The following SORBS2 variants were observed in gnomAD, a reference collection of about 807,000 sequenced individuals.
SORBS2 encodes sorbin and SH3 domain-containing protein 2.
Under a neutral mutation model 97.7 loss-of-function variants are expected in SORBS2, and 46 were observed. The ratio of observed to expected loss-of-function variants is 0.47; its 90% confidence interval spans 0.37 to 0.60. The LOEUF (loss-of-function observed/expected upper bound fraction) is 0.60. SORBS2 is among the 20% of genes least tolerant of loss of function. The probability of loss-of-function intolerance (pLI) is 0.00; values close to 1 mark genes in which losing one functional copy is unlikely to be tolerated. For synonymous variants in SORBS2, 476 were observed against 473.4 expected, an observed-to-expected ratio of 1.01 and a Z score of -0.07; for missense variants, 1,316 against 1,282.3, an observed-to-expected ratio of 1.03 and a Z score of -0.40.
chr4:185,759,546 A>C (rs944575072), intron 2 of SORBS2, among the ~76,000 whole-genome samples: 1 of 152,202 alleles, frequency 6.6e-6, no homozygotes, highest in African/African-American at 2.4e-5. Context: ...ATAATAGTGA[A>C]TGATGGTGAA....
intron 14 of SORBS2, among the ~76,000 whole-genome samples, chr4:185,588,593 C>T (rs6814113): frequency 0.067 from 4,320 of 64,952 alleles, 160 homozygotes; most frequent in Middle Eastern, 0.1. Context: ...CGTTTCTCCT[C>T]CCTCCTCCTC....
intron 1 of SORBS2, among the ~76,000 whole-genome samples, chr4:185,844,788 G>A (rs2099213585): frequency 1.3e-5 from 2 of 152,188 alleles, no homozygotes; most frequent in Non-Finnish European, 1.5e-5. Flanking sequence ...AGGGAATGAA[G>A]TACTGATACA....
rs538102555 is a variant in SORBS2 at position 185,587,999 on chromosome 4, A to G, written c.2954-311T>C. On this transcript the variant is annotated intron_variant, in intron 14 of 14. Coordinates refer to ENST00000418609, the Ensembl canonical transcript of SORBS2. ...AGGAGGGGGGCGGAGGAGCTCAGTC[A>G]CTGAGGCTGCCACACCAGAGTCGGG... 22 of 268,312 alleles carry G rather than the reference A, an allele frequency of 8.2e-5. No individual in the cohort carries two copies. In the South Asian group the frequency reaches 1.1e-3, roughly 14 times the overall value. 16.6% of individuals were successfully genotyped at this position (268,312 alleles called of 1,614,324 possible).
chr4:185,688,505 A>AATAGATAGATAGATAGATAG (rs35533883), intron 2 of SORBS2, among the ~76,000 whole-genome samples: 1 of 127,680 alleles, frequency 7.8e-6, no homozygotes, highest in African/African-American at 2.8e-5. Flanking sequence ...TAGATAGATA[A>AATAGATAGATAGATAGATAG]ATAGATAGAT....
Position 185,914,311 on chromosome 4 carries a change from C to T in SORBS2, c.-338+41885G>A, listed in dbSNP as rs963243382. Among the ~76,000 whole-genome samples the T allele has an allele frequency of 4.6e-5, 7 of 152,226 alleles. 1 individual carries two copies. The highest frequency in any genetic ancestry group is 8.8e-5 in the Non-Finnish European group (6 of 68,046). On this transcript the variant is annotated intron_variant, in intron 1 of 20. Transcript: ENST00000284776. Reference sequence around the variant, plus strand: ...AAACCCCACTAATCGTGTATACTTGCACTGACTCTTGCCTCAGTAAATCTC... The same window carrying T: ...AAACCCCACTAATCGTGTATACTTGTACTGACTCTTGCCTCAGTAAATCTC...
intron 1 of SORBS2, among the ~76,000 whole-genome samples, chr4:185,876,910 A>G (rs200749770): frequency 1.3e-5 from 2 of 152,242 alleles, no homozygotes; most frequent in East Asian, 1.9e-4. Context: ...ACCAAACTTT[A>G]AGAATCAGAA....
chr4:185,733,507 T>A (rs968559568), intron 2 of SORBS2, among the ~76,000 whole-genome samples: 4 of 152,158 alleles, frequency 2.6e-5, no homozygotes, highest in East Asian at 3.9e-4. Context: ...AGCAGGAAAC[T>A]GCACATTGGT....
intron 1 of SORBS2, among the ~76,000 whole-genome samples, chr4:185,916,585 G>A (rs9784468): frequency 0.071 from 10,741 of 152,216 alleles, 499 homozygotes; most frequent in Non-Finnish European, 0.098. Flanking sequence ...AGAATTTGAC[G>A]CCCAAGATAC....
rs151056226 is a variant in SORBS2, at chr4:185,829,285, C to T, written c.-337-53919G>A. ...GGTGTGATGTGGTTGGCAAATCAAG[C>T]TCTGTTTTTAAGCCATATCTTCCCT... is the stretch of plus-strand genomic sequence containing the variant. On this transcript the variant is annotated intron_variant, in intron 1 of 20. Coordinates refer to the SORBS2 transcript ENST00000284776. Among the ~76,000 whole-genome samples the T allele has an allele frequency of 6.2e-3, 948 of 152,292 alleles. 14 individuals carry two copies. Among genetic ancestry groups the T allele is most frequent in the African/African-American group, 0.022 (914 of 41,564 alleles).
intron 1 of SORBS2, among the ~76,000 whole-genome samples, chr4:185,656,330 G>C (rs1252214617): frequency 6.6e-6 from 1 of 152,006 alleles, no homozygotes; most frequent in East Asian, 1.9e-4. Flanking sequence ...AAACTCTTCT[G>C]TCTGTATATA....
At chr4:185,756,841 C>G (rs974751569) in intron 2 of SORBS2, among the ~76,000 whole-genome samples, 1 of 151,434 alleles carries the variant, frequency 6.6e-6, no homozygotes, top group Non-Finnish European at 1.5e-5. Flanking sequence ...CAACCCTCTA[C>G]GTCTAATCAG....
At chr4:185,689,600 G>T (rs374040624) in intron 2 of SORBS2, among the ~76,000 whole-genome samples, 1 of 152,116 alleles carries the variant, frequency 6.6e-6, no homozygotes, top group Non-Finnish European at 1.5e-5. Context: ...GAGCCCGCCC[G>T]CACAGCCTTC....
exon 5 of SORBS2, chr4:185,662,176 A>G (rs61734841): frequency 0.011 from 17,351 of 1,614,038 alleles, 159 homozygotes; most frequent in Non-Finnish European, 0.012. Flanking sequence ...GAGGGGGAAA[A>G]CGGCCTCTGA....
intron 13 of SORBS2, chr4:185,593,020 C>G (rs979041885): frequency 6.6e-6 from 1 of 152,204 alleles, no homozygotes; most frequent in South Asian, 2.1e-4. Flanking sequence ...ATAAAGGCAC[C>G]AGGTCATATG....
At chr4:185,826,634 C>T (rs1449339676) in intron 1 of SORBS2, among the ~76,000 whole-genome samples, 1 of 152,056 alleles carries the variant, frequency 6.6e-6, no homozygotes, top group Non-Finnish European at 1.5e-5. Context: ...TCTTTTTTCA[C>T]CTAATTCACT....
intron 2 of SORBS2, among the ~76,000 whole-genome samples, chr4:185,722,043 C>T (rs2098518794): frequency 1.3e-5 from 2 of 152,170 alleles, no homozygotes; most frequent in African/African-American, 4.8e-5. Flanking sequence ...ACTATATAAA[C>T]ACCATTAATA....
intron 2 of SORBS2, among the ~76,000 whole-genome samples, chr4:185,759,717 G>A (rs961529633): frequency 2.0e-5 from 3 of 152,032 alleles, no homozygotes; most frequent in African/African-American, 7.2e-5. Context: ...CATCCCCAGT[G>A]ATAAATATTC....
chr4:185,699,814 A>G (rs1052146696), intron 2 of SORBS2, among the ~76,000 whole-genome samples: 11 of 152,216 alleles, frequency 7.2e-5, no homozygotes, highest in Non-Finnish European at 8.8e-5. Context: ...TTTTAATGGA[A>G]ATGTATTATT....
chr4:185,791,631 T>C (rs1455598702), intron 1 of SORBS2, among the ~76,000 whole-genome samples: 13 of 152,150 alleles, frequency 8.5e-5, no homozygotes, highest in Middle Eastern at 3.4e-3. Context: ...ATGTTAGGAC[T>C]AATCTGCAAC....
Sources: allele counts gnomAD v4.1 joint callset (sites outside exome capture counted in the v4.1 genomes callset), GRCh38; gene constraint gnomAD v4.1.1; transcripts MANE v1.5; gene names NCBI Gene and HGNC (gene_info 2026-07-23, HGNC 2026-07-21).